ATOSA: variants seen among roughly 807,000 people sequenced by gnomAD.
The protein encoded by ATOSA is atos homolog protein A.
the ATOSA span, among the ~76,000 whole-genome samples, chr15:52,693,827 A>G: frequency 6.6e-6 from 1 of 152,240 alleles, no homozygotes; most frequent in Non-Finnish European, 1.5e-5. Flanking sequence ...AGAGAGACAC[A>G]TAAAAACTAA....
chr15:52,597,165 G>GTTCTGTTCTATTCTA, the ATOSA span, among the ~76,000 whole-genome samples: 138 of 24,594 alleles, frequency 5.6e-3, 1 homozygote, highest in Middle Eastern at 0.034. Context: ...GTTCTGTTCT[G>GTTCTGTTCTATTCTA]TTCTATTCTA....
chr15:52,599,616 T>G, the ATOSA span, among the ~76,000 whole-genome samples: 1 of 152,224 alleles, frequency 6.6e-6, no homozygotes, highest in Non-Finnish European at 1.5e-5. Flanking sequence ...TGATTTCTAC[T>G]TGACCCCAAG....
the ATOSA span, among the ~76,000 whole-genome samples, chr15:52,634,452 T>C: frequency 1.3e-4 from 19 of 151,420 alleles, no homozygotes; most frequent in African/African-American, 4.4e-4. Flanking sequence ...AAATTGTAAA[T>C]AGCGGATTTA....
chr15:52,611,589 C>G, the ATOSA span: 185 of 1,613,870 alleles, frequency 1.1e-4, no homozygotes, highest in Non-Finnish European at 1.5e-4. Context: ...GAGGAACTGG[C>G]TCCAAGATCC....
At chr15:52,605,913 C>T in the ATOSA span, among the ~76,000 whole-genome samples, 2 of 151,710 alleles carry the variant, frequency 1.3e-5, no homozygotes, top group African/African-American at 4.8e-5. Flanking sequence ...ACATACCTAT[C>T]CTAAAGTTTA....
chr15:52,606,925 G>A, the ATOSA span, among the ~76,000 whole-genome samples: 2 of 152,050 alleles, frequency 1.3e-5, no homozygotes, highest in African/African-American at 4.8e-5. Context: ...GATACTGCTT[G>A]GAAAAGTAAA....
the ATOSA span, among the ~76,000 whole-genome samples, chr15:52,621,907 T>C: frequency 2.4e-3 from 368 of 151,776 alleles, no homozygotes; most frequent in South Asian, 9.2e-3. Context: ...TGCAGTGCAA[T>C]GACATGATCT....
the ATOSA span, among the ~76,000 whole-genome samples, chr15:52,668,720 TAAAC>T: frequency 6.6e-6 from 1 of 152,080 alleles, no homozygotes; most frequent in South Asian, 2.1e-4. Flanking sequence ...CAGTTTGAAA[TAAAC>T]AAAAAGGCTT....
the ATOSA span, among the ~76,000 whole-genome samples, chr15:52,620,748 A>C: frequency 6.6e-6 from 1 of 152,018 alleles, no homozygotes; most frequent in East Asian, 1.9e-4. Context: ...CTGGAATTCA[A>C]ACCAGCCTGG....
At chr15:52,647,155 CTTTTG>C in the ATOSA span, among the ~76,000 whole-genome samples, 1 of 151,976 alleles carries the variant, frequency 6.6e-6, no homozygotes, top group Non-Finnish European at 1.5e-5. Flanking sequence ...TTGGAAAATA[CTTTTG>C]TTTTGTTTTA....
chr15:52,651,940 G>C, the ATOSA span: 1 of 1,535,128 alleles, frequency 6.5e-7, no homozygotes, highest in African/African-American at 1.4e-5. Flanking sequence ...GTTGCCTTCT[G>C]GCTATCAATA....
the ATOSA span, among the ~76,000 whole-genome samples, chr15:52,704,059 C>T: frequency 6.6e-6 from 1 of 152,116 alleles, no homozygotes; most frequent in East Asian, 1.9e-4. Context: ...TACATAGATT[C>T]ATTACTTTGC....
the ATOSA span, among the ~76,000 whole-genome samples, chr15:52,592,114 TG>T: frequency 6.6e-6 from 1 of 152,294 alleles, no homozygotes; most frequent in Admixed American, 6.5e-5. Context: ...TCCTCTCTGT[TG>T]TTTCTCAATT....
At chr15:52,701,808 A>G in the ATOSA span, among the ~76,000 whole-genome samples, 3,840 of 152,264 alleles carry the variant, frequency 0.025, 173 homozygotes, top group African/African-American at 0.088. Flanking sequence ...ACATTTTAAG[A>G]TAAAGATATA....
the ATOSA span, among the ~76,000 whole-genome samples, chr15:52,591,591 T>C: frequency 1.3e-5 from 2 of 152,172 alleles, no homozygotes; most frequent in Non-Finnish European, 2.9e-5. Context: ...CCTCTATTAC[T>C]ATATGCCAGT....
At chr15:52,606,036 ATTGTAC>A in the ATOSA span, among the ~76,000 whole-genome samples, 1 of 152,098 alleles carries the variant, frequency 6.6e-6, no homozygotes, top group Non-Finnish European at 1.5e-5. Flanking sequence ...AAAGTATCTT[ATTGTAC>A]TGTACTCACC....
the ATOSA span, chr15:52,610,390 T>C: frequency 1.9e-6 from 3 of 1,593,854 alleles, no homozygotes; most frequent in Non-Finnish European, 1.7e-6. Context: ...GATTCTAGAA[T>C]CACACAGAAA....
At chr15:52,601,521 T>A in the ATOSA span, among the ~76,000 whole-genome samples, 2 of 142,718 alleles carry the variant, frequency 1.4e-5, no homozygotes, top group African/African-American at 5.2e-5. Flanking sequence ...CACTTCCAAC[T>A]TAAAAAGGAA....
the ATOSA span, chr15:52,611,866 CTG>C: frequency 5.7e-6 from 7 of 1,217,876 alleles, no homozygotes; most frequent in Non-Finnish European, 8.0e-6. Flanking sequence ...AAGTAGACAT[CTG>C]TGTGAGAAAT....
Sources: gnomAD v4.1 joint callset for allele counts (sites outside exome capture counted in the v4.1 genomes callset) on GRCh38, gnomAD v4.1.1 for gene constraint, MANE v1.5 for transcripts, NCBI Gene and HGNC (gene_info 2026-07-23, HGNC 2026-07-21) for gene names.